TMEM163: variants seen among roughly 807,000 people sequenced by gnomAD.
TMEM163 encodes transmembrane protein 163.
In TMEM163, 17 loss-of-function variants were observed where a neutral mutation model predicts 29.3. That is an observed-to-expected ratio of 0.58 (90% CI 0.40 to 0.87). The LOEUF (loss-of-function observed/expected upper bound fraction) is 0.87. TMEM163 is among the 40% of genes least tolerant of loss of function. The pLI is 0.00. For synonymous variants in TMEM163, 157 were observed against 160.6 expected (o/e 0.98, Z 0.17); for missense variants, 303 against 381.5 (o/e 0.79, Z 1.71).
intron 4 of TMEM163, among the ~76,000 whole-genome samples, chr2:134,520,774 G>T (rs773729358): frequency 6.6e-6 from 1 of 152,156 alleles, no homozygotes; most frequent in African/African-American, 2.4e-5. Context: ...GATTGTAGCA[G>T]CCAAGTTCAC....
intron 2 of TMEM163, among the ~76,000 whole-genome samples, chr2:134,620,611 G>A (rs1682710156): frequency 6.6e-6 from 1 of 152,204 alleles, no homozygotes; most frequent in African/African-American, 2.4e-5. Context: ...TGGCACGGTT[G>A]TAAAGACAGA....
intron 2 of TMEM163, among the ~76,000 whole-genome samples, chr2:134,649,466 T>C (rs577691711): frequency 1.1e-4 from 17 of 152,166 alleles, no homozygotes; most frequent in Middle Eastern, 3.2e-3. Flanking sequence ...GCACTCTCTA[T>C]AGTAGAGAAA....
At chr2:134,705,838 A>G (rs1684798795) in intron 2 of TMEM163, among the ~76,000 whole-genome samples, 1 of 152,184 alleles carries the variant, frequency 6.6e-6, no homozygotes, top group Non-Finnish European at 1.5e-5. Context: ...AAAAACCCTG[A>G]CAAATGTCCC....
chr2:134,470,763 A>C (rs1224260287), intron 5 of TMEM163, among the ~76,000 whole-genome samples: 6 of 152,048 alleles, frequency 3.9e-5, no homozygotes, highest in Non-Finnish European at 8.8e-5. Flanking sequence ...TGATTACCCT[A>C]CCCAGGCCCA....
intron 4 of TMEM163, among the ~76,000 whole-genome samples, chr2:134,534,273 T>TA (rs751971863): frequency 3.2e-4 from 32 of 101,222 alleles, no homozygotes; most frequent in South Asian, 2.3e-3. Flanking sequence ...CTGGACTTTT[T>TA]TAAAAAAAAT....
rs1475493192 is a variant in TMEM163, at chr2:134,567,293, G to A, written c.323-15202C>T. ...AATGGGATTTGGCCAAAAAGAGCTC[G>A]TGCAGCGAGAGATTTAAGTTACAGA... On this transcript the variant is annotated intron_variant, in intron 2 of 7. Coordinates refer to ENST00000281924, the MANE Select transcript of TMEM163 (RefSeq NM_030923.5). 1.2e-4 allele frequency among the ~76,000 whole-genome samples: 19 copies of A among 152,168 alleles called. 1 individual carries two copies. Among genetic ancestry groups the A allele is most frequent in the South Asian group, 6.2e-4 (3 of 4,822 alleles).
At chr2:134,546,094 A>G (rs901706368) in intron 4 of TMEM163, among the ~76,000 whole-genome samples, 1 of 152,220 alleles carries the variant, frequency 6.6e-6, no homozygotes, top group Non-Finnish European at 1.5e-5. Context: ...GAACTTAAAA[A>G]AACTAGTTGG....
intron 5 of TMEM163, among the ~76,000 whole-genome samples, chr2:134,484,322 T>G (rs1362503039): frequency 2.0e-5 from 3 of 151,254 alleles, no homozygotes; most frequent in South Asian, 2.1e-4. Flanking sequence ...AAAACACAAG[T>G]TTTTTTTTCT....
At chr2:134,554,671 C>G (rs771938186) in intron 2 of TMEM163, among the ~76,000 whole-genome samples, 8 of 152,184 alleles carry the variant, frequency 5.3e-5, no homozygotes, top group Non-Finnish European at 1.2e-4. Flanking sequence ...TCTCAGGAAT[C>G]TGGACTCAAA....
intron 4 of TMEM163, among the ~76,000 whole-genome samples, chr2:134,523,017 G>A (rs189044112): frequency 9.7e-4 from 147 of 152,280 alleles, no homozygotes; most frequent in Non-Finnish European, 1.7e-3. Context: ...TATATAATGA[G>A]GTGCTGGTAA....
At chr2:134,624,537 A>G (rs1481871332) in intron 2 of TMEM163, among the ~76,000 whole-genome samples, 4 of 152,180 alleles carry the variant, frequency 2.6e-5, no homozygotes, top group Non-Finnish European at 4.4e-5. Context: ...AATATTCTGT[A>G]CAACAAACCC....
intron 2 of TMEM163, among the ~76,000 whole-genome samples, chr2:134,638,041 T>C (rs192900886): frequency 9.2e-5 from 14 of 152,356 alleles, no homozygotes; most frequent in South Asian, 2.1e-4. Context: ...CCAAAAATAT[T>C]TGATGAATAT....
intron 2 of TMEM163, among the ~76,000 whole-genome samples, chr2:134,565,547 A>C (rs887677138): frequency 1.3e-5 from 2 of 151,480 alleles, no homozygotes; most frequent in Non-Finnish European, 2.9e-5. Context: ...CAGAGGTTGC[A>C]GTGAGCCAAG....
chr2:134,549,829 T>C (rs1029054241), intron 4 of TMEM163, among the ~76,000 whole-genome samples: 18 of 151,124 alleles, frequency 1.2e-4, no homozygotes, highest in Non-Finnish European at 1.3e-4. Flanking sequence ...CATATTAGCG[T>C]ATAGGTATAT....
intron 4 of TMEM163, among the ~76,000 whole-genome samples, chr2:134,512,601 C>T (rs1490275222): frequency 2.6e-5 from 4 of 152,192 alleles, no homozygotes; most frequent in Non-Finnish European, 4.4e-5. Context: ...TCATTCATCC[C>T]GCACATTTCC....
chr2:134,552,535 T>C (rs1290719780), intron 2 of TMEM163, among the ~76,000 whole-genome samples: 2 of 152,086 alleles, frequency 1.3e-5, no homozygotes, highest in African/African-American at 4.8e-5. Context: ...TAAAATCCAA[T>C]GTAGACACCA....
At chr2:134,614,973 C>T (rs113084313) in intron 2 of TMEM163, among the ~76,000 whole-genome samples, 4 of 151,902 alleles carry the variant, frequency 2.6e-5, no homozygotes, top group African/African-American at 9.7e-5. Context: ...ACCTAGAATA[C>T]GTAAGAAATG....
intron 4 of TMEM163, among the ~76,000 whole-genome samples, chr2:134,536,544 G>A (rs1297181431): frequency 6.6e-6 from 1 of 152,132 alleles, no homozygotes; most frequent in Non-Finnish European, 1.5e-5. Flanking sequence ...CACCCCACCA[G>A]CAGGATCCCA....
At chr2:134,685,647 C>G (rs1037308650) in intron 2 of TMEM163, among the ~76,000 whole-genome samples, 4 of 152,162 alleles carry the variant, frequency 2.6e-5, no homozygotes, top group Non-Finnish European at 5.9e-5. Flanking sequence ...TCCTGCTTTC[C>G]CACTTGCCCC....
Sources: allele counts gnomAD v4.1 joint callset (sites outside exome capture counted in the v4.1 genomes callset), GRCh38; gene constraint gnomAD v4.1.1; transcripts MANE v1.5; gene names NCBI Gene and HGNC (gene_info 2026-07-23, HGNC 2026-07-21).